The following EPS8 variants were observed in gnomAD, a reference collection of about 807,000 sequenced individuals.
EPS8 encodes the protein epidermal growth factor receptor kinase substrate 8.
A neutral mutation model predicts 103.8 loss-of-function variants in EPS8; 42 were observed. That is an observed-to-expected ratio of 0.40 (90% CI 0.32 to 0.52). The LOEUF (loss-of-function observed/expected upper bound fraction) is 0.52. EPS8 is among the 20% of genes least tolerant of loss of function. The probability of loss-of-function intolerance (pLI) is 0.40; values close to 1 mark genes in which losing one functional copy is unlikely to be tolerated. For missense variants in EPS8, 969 were observed against 1,005.1 expected (o/e 0.96, Z 0.49); for synonymous variants, 344 against 344.6 (o/e 1.00, Z 0.02).
chr12:15,648,145 C>T (rs536748994), intron 14 of EPS8, among the ~76,000 whole-genome samples: 1 of 152,318 alleles, frequency 6.6e-6, no homozygotes, highest in Non-Finnish European at 1.5e-5. Flanking sequence ...CAACAGGCCA[C>T]GCACTAGTAC....
rs1946058785 is a variant in EPS8, at chr12:15,684,327, A to C, written c.-21-1355T>G. 1 of 152,186 alleles carries C rather than the reference A, an allele frequency of 6.6e-6. No individual in the cohort carries two copies. The highest frequency in any genetic ancestry group is 2.1e-4 in the South Asian group (1 of 4,824). 9.4% of individuals were successfully genotyped at this position (152,186 alleles called of 1,614,324 possible). On this transcript the variant is annotated intron_variant, in intron 1 of 20. Coordinates refer to ENST00000281172, the MANE Select transcript of EPS8 (RefSeq NM_004447.6). This position sits in a 1 kb window ranked among gnomAD's most constrained non-coding sequence, Gnocchi z 4.9. ...CCTGGATAGATAAAATCCCACTATC[A>C]GACACTCTCCATACTATAGACAATT...
intron 1 of EPS8, among the ~76,000 whole-genome samples, chr12:15,756,092 G>C (rs1946983600): frequency 6.6e-6 from 1 of 152,120 alleles, no homozygotes. Flanking sequence ...TTACTAAACT[G>C]TTGATTGATT....
At position 15,684,423 on chromosome 12, in the gene EPS8, T is replaced by C. The variant is rs1946060526; in HGVS notation, c.-21-1451A>G. 1 of 152,174 alleles carries C rather than the reference T, an allele frequency of 6.6e-6. No individual in the cohort carries two copies. The highest frequency in any genetic ancestry group is 2.4e-5 in the African/African-American group (1 of 41,446). The allele number at this position is 152,174 out of a possible 1,614,324, so 9.4% of individuals were successfully genotyped here. On this transcript the variant is annotated intron_variant, in intron 1 of 20. Coordinates refer to ENST00000281172, the MANE Select transcript of EPS8 (RefSeq NM_004447.6). The surrounding 1 kb of genome is among the most constrained non-coding windows in gnomAD (Gnocchi z 4.9). Reference sequence around the variant, plus strand: ...AATACCTGACTCTTCACTAAACTCTTAGCCCCCAAAAGGCTTGAATTTTTG... The same window carrying C: ...AATACCTGACTCTTCACTAAACTCTCAGCCCCCAAAAGGCTTGAATTTTTG...
chr12:15,715,465 G>A (rs1946522367), intron 1 of EPS8, among the ~76,000 whole-genome samples: 1 of 132,718 alleles, frequency 7.5e-6, no homozygotes, highest in Non-Finnish European at 1.5e-5. Context: ...CACAATCTTG[G>A]CTCACTGCAG....
At chr12:15,633,588 C>T (rs1374485978) in intron 17 of EPS8, among the ~76,000 whole-genome samples, 1 of 152,206 alleles carries the variant, frequency 6.6e-6, no homozygotes, top group African/African-American at 2.4e-5. Context: ...TGCTTTATTT[C>T]ATTCATGCCA....
rs2136063269 is a variant in EPS8, at chr12:15,787,875, G to C, written c.-22+1286C>G. On this transcript the variant is annotated intron_variant, in intron 1 of 20. Transcript: ENST00000281172. This position sits in a 1 kb window ranked among gnomAD's most constrained non-coding sequence, Gnocchi z 4.9. ...CCACACCAGCAACTTAAGAACTACAGCAATATGTTTAGAAAACTGCGATCC... is the reference window on the plus strand; with the variant it reads ...CCACACCAGCAACTTAAGAACTACACCAATATGTTTAGAAAACTGCGATCC... 6.6e-6 allele frequency: 1 copy of C among 152,234 alleles called. No individual in the cohort carries two copies. Among genetic ancestry groups the C allele is most frequent in the Middle Eastern group, 3.4e-3 (1 of 294 alleles). The allele number at this position is 152,234 out of a possible 1,614,324, so 9.4% of individuals were successfully genotyped here.
chr12:15,681,074 T>TA, intron 3 of EPS8, 152 bp downstream of exon 3: 1 of 360,770 alleles, frequency 2.8e-6, no homozygotes. Context: ...GTAGTTTTTA[T>TA]AAAAACTCTT....
At chr12:15,729,318 C>G (rs1946687810) in intron 1 of EPS8, among the ~76,000 whole-genome samples, 1 of 152,134 alleles carries the variant, frequency 6.6e-6, no homozygotes, top group Non-Finnish European at 1.5e-5. Context: ...TTGGAAAATT[C>G]TCAGTCATTA....
chr12:15,768,359 A>C (rs1023635247), intron 1 of EPS8, among the ~76,000 whole-genome samples: 1 of 150,090 alleles, frequency 6.7e-6, no homozygotes, highest in African/African-American at 2.5e-5. Flanking sequence ...AGTCACTTGA[A>C]ACCAAGAGGC....
intron 1 of EPS8, among the ~76,000 whole-genome samples, chr12:15,719,288 C>T (rs1946568808): frequency 6.6e-6 from 1 of 152,024 alleles, no homozygotes; most frequent in South Asian, 2.1e-4. Context: ...GGAAGCATTA[C>T]AATACACAGA....
rs1159268570 is a variant in EPS8 at position 15,734,295 on chromosome 12, C to G, written c.-21-51323G>C. Among the ~76,000 whole-genome samples the G allele has an allele frequency of 1.3e-5, 2 of 152,152 alleles. No individual in the cohort carries two copies. The highest frequency in any genetic ancestry group is 4.8e-5 in the African/African-American group (2 of 41,432). On this transcript the variant is annotated intron_variant, in intron 1 of 20. Coordinates refer to ENST00000281172, the MANE Select transcript of EPS8 (RefSeq NM_004447.6). The surrounding 1 kb of genome is among the most constrained non-coding windows in gnomAD (Gnocchi z 4.1). ...GCTGCTTCCTCCTCTTCCTTTTCTT[C>G]TATTTGTTTGCCAGTTTATTCAGAA...
chr12:15,674,416 TC>T (rs1480590233), intron 3 of EPS8, among the ~76,000 whole-genome samples: 1 of 152,160 alleles, frequency 6.6e-6, no homozygotes, highest in African/African-American at 2.4e-5. Flanking sequence ...AAGGGAGAAT[TC>T]CTTTCCCACT....
chr12:15,647,082 A>G (rs1323674223), intron 15 of EPS8, 45 bp downstream of exon 15: 1 of 1,577,712 alleles, frequency 6.3e-7, no homozygotes, highest in South Asian at 1.2e-5. Context: ...ACTAGATCAG[A>G]GACATTTATC....
At chr12:15,723,492 T>C (rs1174300834) in intron 1 of EPS8, among the ~76,000 whole-genome samples, 5 of 152,178 alleles carry the variant, frequency 3.3e-5, no homozygotes, top group Admixed American at 6.6e-5. Context: ...TCAGCGTGGA[T>C]TTTTAATTGT....
At position 15,716,980 on chromosome 12, in the gene EPS8, A is replaced by G. The variant is rs1200494374; in HGVS notation, c.-21-34008T>C. On this transcript the variant is annotated intron_variant, in intron 1 of 20. Coordinates refer to ENST00000281172, the MANE Select transcript of EPS8 (RefSeq NM_004447.6). The surrounding 1 kb of genome is among the most constrained non-coding windows in gnomAD (Gnocchi z 5.0). ...CTTTAATACCTTTTTCAGTGAGAGT[A>G]AGAAACCCAAAAGAAGTTTCTAAAG... 6.6e-6 allele frequency among the ~76,000 whole-genome samples: 1 copy of G among 152,218 alleles called. No individual in the cohort carries two copies. Among genetic ancestry groups the G allele is most frequent in the African/African-American group, 2.4e-5 (1 of 41,452 alleles).
At chr12:15,746,693 G>A (rs73054962) in intron 1 of EPS8, among the ~76,000 whole-genome samples, 1 of 152,070 alleles carries the variant, frequency 6.6e-6, no homozygotes, top group South Asian at 2.1e-4. Context: ...TCAGTAATTT[G>A]AGCAACTCAA....
intron 1 of EPS8, among the ~76,000 whole-genome samples, chr12:15,708,554 G>A (rs1015837955): frequency 6.6e-6 from 1 of 152,210 alleles, no homozygotes; most frequent in African/African-American, 2.4e-5. Context: ...GCCAGGCAAT[G>A]TCTGAGATGT....
chr12:15,744,420 C>T (rs760621811), intron 1 of EPS8, among the ~76,000 whole-genome samples: 3 of 152,278 alleles, frequency 2.0e-5, no homozygotes, highest in Admixed American at 2.0e-4. Flanking sequence ...CAAGGATGAA[C>T]TATAGTGAGT....
intron 15 of EPS8, among the ~76,000 whole-genome samples, chr12:15,645,475 C>G (rs1203309032): frequency 6.6e-6 from 1 of 151,932 alleles, no homozygotes; most frequent in Non-Finnish European, 1.5e-5. Flanking sequence ...AATAATAATA[C>G]CACTTTAACT....
Sources: allele counts gnomAD v4.1 joint callset (sites outside exome capture counted in the v4.1 genomes callset), GRCh38; gene constraint gnomAD v4.1.1; non-coding constraint Gnocchi (gnomAD v3.1); transcripts MANE v1.5; gene names NCBI Gene and HGNC (gene_info 2026-07-23, HGNC 2026-07-21).